NAALADL2: variants seen among roughly 807,000 people sequenced by gnomAD.
NAALADL2 encodes N-acetylated alpha-linked acidic dipeptidase like 2, also known as inactive N-acetylated-alpha-linked acidic dipeptidase-like protein 2.
Under a neutral mutation model 87.2 loss-of-function variants are expected in NAALADL2, and 76 were observed. That is an observed-to-expected ratio of 0.87 (90% CI 0.72 to 1.05). The LOEUF is 1.05. Ranked by LOEUF, NAALADL2 falls within the 50% of genes least tolerant of loss-of-function variation. The pLI is 0.00. For synonymous variants in NAALADL2, 354 were observed against 331.0 expected (o/e 1.07, Z -0.75); for missense variants, 1,089 against 945.8 (o/e 1.15, Z -1.99).
intron 3 of NAALADL2, among the ~76,000 whole-genome samples, chr3:174,824,709 T>C (rs1721795439): frequency 6.6e-6 from 1 of 152,206 alleles, no homozygotes; most frequent in Non-Finnish European, 1.5e-5. Flanking sequence ...TAGCGATTAT[T>C]TGTGCTGTGT....
intron 9 of NAALADL2, among the ~76,000 whole-genome samples, chr3:175,572,624 C>A (rs1457988840): frequency 6.6e-6 from 1 of 151,894 alleles, no homozygotes; most frequent in Non-Finnish European, 1.5e-5. Flanking sequence ...TTAAAAGAAA[C>A]CATGGAAATG....
chr3:174,473,613 C>T (rs1717040491), intron 1 of NAALADL2, among the ~76,000 whole-genome samples: 1 of 151,998 alleles, frequency 6.6e-6, no homozygotes, highest in South Asian at 2.1e-4. Context: ...ATATTAAATT[C>T]ATAATCAAGA....
At chr3:175,799,616 T>C (rs1463332543) in intron 13 of NAALADL2, among the ~76,000 whole-genome samples, 5 of 152,158 alleles carry the variant, frequency 3.3e-5, no homozygotes, top group African/African-American at 4.8e-5. Flanking sequence ...TCATCTCCAT[T>C]TTGAACAATT....
chr3:174,501,723 T>C (rs1718908593), intron 1 of NAALADL2, among the ~76,000 whole-genome samples: 2 of 152,094 alleles, frequency 1.3e-5, no homozygotes, highest in South Asian at 4.1e-4. Context: ...TTATAATAGC[T>C]GTAGCATTTG....
intron 1 of NAALADL2, among the ~76,000 whole-genome samples, chr3:174,449,070 A>G (rs550745419): frequency 6.6e-6 from 1 of 152,298 alleles, no homozygotes; most frequent in Non-Finnish European, 1.5e-5. Flanking sequence ...CATCTGTGAA[A>G]TAAGTTCTTG....
chr3:174,640,582 C>T (rs1473908642), intron 2 of NAALADL2, among the ~76,000 whole-genome samples: 2 of 152,202 alleles, frequency 1.3e-5, no homozygotes, highest in Non-Finnish European at 2.9e-5. Flanking sequence ...CAGGCCAAGC[C>T]GGTAAGGTAC....
intron 3 of NAALADL2, among the ~76,000 whole-genome samples, chr3:174,850,187 T>G (rs556002787): frequency 2.0e-5 from 3 of 150,074 alleles, no homozygotes; most frequent in African/African-American, 7.3e-5. Flanking sequence ...GTTGGAAGTA[T>G]TTTTTTTTTC....
intron 1 of NAALADL2, among the ~76,000 whole-genome samples, chr3:174,911,667 A>G (rs564972191): frequency 6.6e-6 from 1 of 152,158 alleles, no homozygotes; most frequent in Admixed American, 6.5e-5. Context: ...AAGCTACTTC[A>G]ATTTGGGTTT....
Position 175,506,434 on chromosome 3 carries a change from C to T in NAALADL2, c.1653+34676C>T, listed in dbSNP as rs192233089. 5.5e-4 allele frequency among the ~76,000 whole-genome samples: 84 copies of T among 152,294 alleles called. 1 individual carries two copies. Among genetic ancestry groups the T allele is most frequent in the African/African-American group, 1.7e-3 (69 of 41,554 alleles). On this transcript the variant is annotated intron_variant, in intron 9 of 13. Coordinates refer to ENST00000454872, the MANE Select transcript of NAALADL2 (RefSeq NM_207015.3). ...CATTTAGGAACTATCATCTTCCACTCTCTAAATGTTTAATCTAATAATTTC... is the reference window on the plus strand; with the variant it reads ...CATTTAGGAACTATCATCTTCCACTTTCTAAATGTTTAATCTAATAATTTC...
chr3:175,435,519 A>G (rs1018954018), intron 5 of NAALADL2, among the ~76,000 whole-genome samples: 3 of 152,196 alleles, frequency 2.0e-5, no homozygotes, highest in African/African-American at 7.2e-5. Context: ...TTTTAACATA[A>G]TAATAAAAAT....
chr3:174,724,654 A>G (rs1732019692), intron 2 of NAALADL2, among the ~76,000 whole-genome samples: 1 of 152,134 alleles, frequency 6.6e-6, no homozygotes, highest in African/African-American at 2.4e-5. Context: ...TATTGCATAT[A>G]GTAAACATTC....
intron 5 of NAALADL2, among the ~76,000 whole-genome samples, chr3:175,424,952 C>G (rs113022817): frequency 6.6e-6 from 1 of 152,028 alleles, no homozygotes; most frequent in Non-Finnish European, 1.5e-5. Flanking sequence ...GAGACTCTTA[C>G]GTACTATACA....
chr3:175,037,508 G>A (rs778465670), intron 1 of NAALADL2, among the ~76,000 whole-genome samples: 1 of 152,154 alleles, frequency 6.6e-6, no homozygotes, highest in Non-Finnish European at 1.5e-5. Context: ...TGTTCTGACA[G>A]AGCTTAGACT....
intron 1 of NAALADL2, among the ~76,000 whole-genome samples, chr3:174,539,583 C>T (rs991036918): frequency 2.0e-5 from 3 of 152,192 alleles, no homozygotes; most frequent in African/African-American, 7.2e-5. Flanking sequence ...CTTATGGTCA[C>T]CTTACTGACA....
intron 3 of NAALADL2, among the ~76,000 whole-genome samples, chr3:174,832,900 C>T (rs543329484): frequency 9.9e-5 from 15 of 152,114 alleles, no homozygotes; most frequent in East Asian, 3.9e-4. Context: ...AAAAAGATGT[C>T]GTCGTGTAAT....
intron 6 of NAALADL2, among the ~76,000 whole-genome samples, chr3:175,459,716 G>A (rs1257673453): frequency 1.3e-5 from 2 of 152,130 alleles, no homozygotes; most frequent in Non-Finnish European, 2.9e-5. Flanking sequence ...CATCCCTGGG[G>A]ATTTGGAGGA....
intron 5 of NAALADL2, among the ~76,000 whole-genome samples, chr3:175,423,494 C>T (rs1716233782): frequency 6.7e-6 from 1 of 148,688 alleles, no homozygotes; most frequent in Non-Finnish European, 1.5e-5. Context: ...TCAATTCCCA[C>T]CTATGAGCGA....
chr3:175,006,844 C>G (rs773485591), intron 1 of NAALADL2, among the ~76,000 whole-genome samples: 2 of 150,728 alleles, frequency 1.3e-5, no homozygotes, highest in Non-Finnish European at 3.0e-5. Context: ...TTTTGTTGAG[C>G]CTTTTCTTTT....
At position 175,550,063 on chromosome 3, in the gene NAALADL2, C is replaced by CA. The variant is rs1232337785; in HGVS notation, c.1654-25977dup. On this transcript the variant is annotated intron_variant, in intron 9 of 13. Transcript: ENST00000454872. The stretch of plus-strand genomic sequence containing the variant: ...AGAAAAAAGGGGTTTAAGCTAGGGC[C>CA]ACTATTATTAGTTAAGTGTAGGATC... Among the ~76,000 whole-genome samples, 4 of 151,990 alleles carry CA rather than the reference C, an allele frequency of 2.6e-5. No homozygotes were observed. In the East Asian group the frequency reaches 7.7e-4, roughly 29 times the overall value.
Sources: gnomAD v4.1 joint callset for allele counts (sites outside exome capture counted in the v4.1 genomes callset) on GRCh38, gnomAD v4.1.1 for gene constraint, MANE v1.5 for transcripts, NCBI Gene and HGNC (gene_info 2026-07-23, HGNC 2026-07-21) for gene names.